PPP5C: variants seen among roughly 807,000 people sequenced by gnomAD.
The protein encoded by PPP5C is protein phosphatase 5 catalytic subunit.
Under a neutral mutation model 66.7 loss-of-function variants are expected in PPP5C, and 21 were observed. The observed-to-expected ratio is 0.31, with a 90% confidence interval of 0.22 to 0.45. The LOEUF (loss-of-function observed/expected upper bound fraction) is 0.45, where lower values mean the gene tolerates loss of function less well. Ranked by LOEUF, PPP5C falls within the 20% of genes least tolerant of loss-of-function variation. PPP5C has a pLI of 1.00. For synonymous variants in PPP5C, 246 were observed against 257.4 expected, an observed-to-expected ratio of 0.96 and a Z score of 0.43; for missense variants, 464 against 675.9, an observed-to-expected ratio of 0.69 and a Z score of 3.48.
chr19:46,355,861 G>C (rs576674446), intron 2 of PPP5C, among the ~76,000 whole-genome samples: 20 of 152,148 alleles, frequency 1.3e-4, no homozygotes, highest in African/African-American at 4.6e-4. Flanking sequence ...GAAGAGAGGA[G>C]CCCCAAGGAC....
Position 46,383,549 on chromosome 19 carries a change from C to T in PPP5C, c.699+73C>T. ...CTGGCTGGGGAGGGGCCACAGAGCT[C>T]AGGAACTCACGGATCCACCTCCCTC... On this transcript the variant is annotated intron_variant, in intron 5 of 12. Transcript: ENST00000012443. This position sits in a 1 kb window ranked among gnomAD's most constrained non-coding sequence, Gnocchi z 5.0. 2 of 1,424,044 alleles carry T rather than the reference C, an allele frequency of 1.4e-6. No individual in the cohort carries two copies. Among genetic ancestry groups the T allele is most frequent in the South Asian group, 2.6e-5 (2 of 76,158 alleles). 88.2% of individuals were successfully genotyped at this position (1,424,044 alleles called of 1,614,324 possible).
intron 2 of PPP5C, among the ~76,000 whole-genome samples, chr19:46,373,171 G>A (rs907335366): frequency 6.6e-6 from 1 of 152,230 alleles, no homozygotes; most frequent in African/African-American, 2.4e-5. Context: ...ACTGCCCCAC[G>A]CTGCCTCCCT....
chr19:46,366,387 C>T (rs1780828658), intron 2 of PPP5C, among the ~76,000 whole-genome samples: 1 of 151,918 alleles, frequency 6.6e-6, no homozygotes, highest in African/African-American at 2.4e-5. Flanking sequence ...ACTCTGTCAC[C>T]CAGGCTAGAG....
chr19:46,369,788 T>A (rs995388544), intron 2 of PPP5C, among the ~76,000 whole-genome samples: 1 of 151,780 alleles, frequency 6.6e-6, no homozygotes, highest in African/African-American at 2.4e-5. Context: ...TAGCCAGGCG[T>A]GGTGGCATGC....
intron 6 of PPP5C, chr19:46,384,514 C>A: frequency 2.6e-6 from 1 of 386,994 alleles, no homozygotes; most frequent in Non-Finnish European, 4.9e-6. Context: ...GGTGGACTGA[C>A]TAGTCCCCGC....
Position 46,382,864 on chromosome 19 carries a change from T to C in PPP5C, c.634-547T>C. On this transcript the variant is annotated intron_variant, in intron 4 of 12. Transcript: ENST00000012443. ...TATGCATGTCATTGTCAAGGTCATA[T>C]CCAATCTGTGAAAAATAAATCATCT... 5 of 1,070,866 alleles carry C rather than the reference T, an allele frequency of 4.7e-6. No individual in the cohort carries two copies. In the South Asian group the frequency reaches 1.4e-4, roughly 31 times the overall value. 66.3% of individuals were successfully genotyped at this position (1,070,866 alleles called of 1,614,324 possible).
Position 46,368,385 on chromosome 19 carries a change from T to G in PPP5C, c.364-7219T>G, listed in dbSNP as rs190565416. ...GTGGCGAGTGTCCTTTCTCCATCCC[T>G]GTCCGTAAGACCCACCAGAAGCAGT... On this transcript the variant is annotated intron_variant, in intron 2 of 12. Coordinates refer to ENST00000012443, the MANE Select transcript of PPP5C (RefSeq NM_006247.4). 1.1e-3 allele frequency among the ~76,000 whole-genome samples: 161 copies of G among 152,348 alleles called. 1 individual carries two copies. The highest frequency in any genetic ancestry group is 3.7e-3 in the African/African-American group (153 of 41,582).
At chr19:46,373,802 G>A (rs898841808) in intron 2 of PPP5C, among the ~76,000 whole-genome samples, 1 of 152,162 alleles carries the variant, frequency 6.6e-6, no homozygotes, top group Admixed American at 6.5e-5. Flanking sequence ...GCCTTTGGGA[G>A]CCCAGAGGGG....
intron 1 of PPP5C, 93 bp from the exon 2 acceptor site, chr19:46,353,655 A>G: frequency 6.4e-7 from 1 of 1,555,540 alleles, no homozygotes; most frequent in Non-Finnish European, 8.8e-7. Context: ...CAGCTTCCCC[A>G]TCTGTGAACA....
intron 9 of PPP5C, chr19:46,387,885 C>T (rs1359001262): frequency 4.5e-6 from 2 of 441,612 alleles, no homozygotes; most frequent in East Asian, 7.0e-5. Flanking sequence ...TCCAGGGAGG[C>T]GAGGTTTGAG....
At chr19:46,366,144 A>G (rs1972486777) in intron 2 of PPP5C, among the ~76,000 whole-genome samples, 1 of 152,136 alleles carries the variant, frequency 6.6e-6, no homozygotes. Flanking sequence ...GGTACTGAGC[A>G]TCGAGTCCAG....
At chr19:46,374,205 C>T (rs930242748) in intron 2 of PPP5C, among the ~76,000 whole-genome samples, 2 of 152,170 alleles carry the variant, frequency 1.3e-5, no homozygotes, top group South Asian at 2.1e-4. Flanking sequence ...CTTCTCACCC[C>T]GCTTGGCGCA....
intron 2 of PPP5C, among the ~76,000 whole-genome samples, chr19:46,374,653 C>T (rs1972659982): frequency 6.6e-6 from 1 of 152,162 alleles, no homozygotes; most frequent in African/African-American, 2.4e-5. Context: ...ACGCCCCATG[C>T]CTATTGTGTA....
Position 46,390,116 on chromosome 19 carries a change from A to G in PPP5C, c.1421A>G (p.His474Arg), listed in dbSNP as rs377014797. ...LQGSDLRPQF[H>R]QFTAVPHPNV... ...GGCTCTGACCTACGGCCTCAGTTCCACCAGTTCACAGCAGTGGTGAGTCAC... is the reference window on the plus strand; with the variant it reads ...GGCTCTGACCTACGGCCTCAGTTCCGCCAGTTCACAGCAGTGGTGAGTCAC... Residue 474 changes from histidine (H) to arginine (R), a missense_variant, in exon 12 of 13, where the codon CAC (histidine) becomes CGC (arginine). Physicochemically the swap from His to Arg is conservative, Grantham distance 29. Around this residue, in one of 2 missense-constraint regions of PPP5C, gnomAD observed 387 missense variants for 626.0 expected, o/e 0.62. Coordinates refer to ENST00000012443, the MANE Select transcript of PPP5C (RefSeq NM_006247.4). 4.5e-5 allele frequency: 72 copies of G among 1,613,714 alleles called. No individual in the cohort carries two copies. In the African/African-American group the frequency reaches 9.4e-4, roughly 21 times the overall value.
intron 6 of PPP5C, chr19:46,384,310 C>T (rs1024782): frequency 0.26 from 64,654 of 244,992 alleles, 8,943 homozygotes; most frequent in African/African-American, 0.34. Flanking sequence ...CCTTGTTACT[C>T]AGCAGTTACT....
intron 1 of PPP5C, among the ~76,000 whole-genome samples, chr19:46,351,585 C>T (rs1972185367): frequency 6.6e-6 from 1 of 152,240 alleles, no homozygotes; most frequent in African/African-American, 2.4e-5. Context: ...CCAGGATCCC[C>T]TCCCTGTGCC....
At position 46,388,474 on chromosome 19, in the gene PPP5C, C is replaced by T. The variant is rs377344355; in HGVS notation, c.1176+26C>T. 40 of 1,610,608 alleles carry T rather than the reference C, an allele frequency of 2.5e-5. No individual in the cohort carries two copies. Among genetic ancestry groups the T allele is most frequent in the African/African-American group, 1.2e-4 (9 of 74,854 alleles). ...GTGAGTCTAGGGTGGGGTGCAGGGCCGGCGGGTGTGGGCTGTGGCAGCAGG... is the reference window on the plus strand; with the variant it reads ...GTGAGTCTAGGGTGGGGTGCAGGGCTGGCGGGTGTGGGCTGTGGCAGCAGG... On this transcript the variant is annotated intron_variant, in intron 10 of 12. Coordinates refer to ENST00000012443, the MANE Select transcript of PPP5C (RefSeq NM_006247.4). This position sits in a 1 kb window ranked among gnomAD's most constrained non-coding sequence, Gnocchi z 4.9.
intron 2 of PPP5C, 69 bp from the exon 3 acceptor site, chr19:46,375,535 G>A: frequency 6.3e-7 from 1 of 1,580,326 alleles, no homozygotes; most frequent in Non-Finnish European, 8.6e-7. Context: ...CCCAGGGCTG[G>A]GCAGCCTGGG....
In PPP5C at chr19:46,347,088, C is replaced by T. The variant is rs773368160; in HGVS notation, c.-9C>T. 6 of 1,597,404 alleles carry T rather than the reference C, an allele frequency of 3.8e-6. No homozygotes were observed. The South Asian group carries it at 4.5e-5, about 12-fold the overall frequency. On this transcript the variant is annotated 5_prime_UTR_variant, in exon 1 of 13. Transcript: ENST00000012443. ...GCGGCCGTTGCCAGGGTAGGGGTCG[C>T]TTTGCGGCATGGCGATGGCGGAGGG...
Sources: gnomAD v4.1 joint callset for allele counts (sites outside exome capture counted in the v4.1 genomes callset) on GRCh38, gnomAD v4.1.1 for gene constraint, gnomAD v4.1.1 regional missense constraint, Gnocchi (gnomAD v3.1) non-coding constraint, MANE v1.5 for transcripts, NCBI Gene and HGNC (gene_info 2026-07-23, HGNC 2026-07-21) for gene names.